SMAP1: variants seen among roughly 807,000 people sequenced by gnomAD.
SMAP1 encodes the protein small ArfGAP 1.
A neutral mutation model predicts 58.5 loss-of-function variants in SMAP1; 24 were observed. The ratio of observed to expected loss-of-function variants is 0.41; its 90% CI spans 0.30 to 0.58. SMAP1 has a LOEUF of 0.58. Among genes scored for constraint, SMAP1 ranks in the 20% least tolerant of loss-of-function variants. SMAP1 has a pLI of 0.29. For synonymous variants in SMAP1, 216 were observed against 196.6 expected (o/e 1.10, Z -0.82); for missense variants, 563 against 566.3 (o/e 0.99, Z 0.06).
intron 4 of SMAP1, among the ~76,000 whole-genome samples, chr6:70,783,171 T>G (rs2149927879): frequency 6.6e-6 from 1 of 152,320 alleles, no homozygotes; most frequent in Middle Eastern, 3.4e-3. Context: ...TAGCCACCGC[T>G]GCTAATACCC....
chr6:70,720,887 G>A (rs1326685544), intron 1 of SMAP1, among the ~76,000 whole-genome samples: 1 of 152,150 alleles, frequency 6.6e-6, no homozygotes, highest in Non-Finnish European at 1.5e-5. Flanking sequence ...GATGGGAGGG[G>A]CTGCTGTGAA....
At chr6:70,746,139 T>C (rs1004565001) in intron 2 of SMAP1, among the ~76,000 whole-genome samples, 38 of 152,100 alleles carry the variant, frequency 2.5e-4, no homozygotes, top group African/African-American at 8.2e-4. Flanking sequence ...TTGACTTCCT[T>C]TTTTCCTAAT....
At chr6:70,833,169 T>C (rs935542107) in intron 6 of SMAP1, among the ~76,000 whole-genome samples, 1 of 152,226 alleles carries the variant, frequency 6.6e-6, no homozygotes, top group African/African-American at 2.4e-5. Flanking sequence ...CTTACCTATG[T>C]AGTTTGTGCT....
At chr6:70,674,356 G>A (rs1284133132) in intron 1 of SMAP1, among the ~76,000 whole-genome samples, 1 of 152,070 alleles carries the variant, frequency 6.6e-6, no homozygotes, top group Admixed American at 6.6e-5. Flanking sequence ...CGAGTGATCT[G>A]CCTCCCTCAG....
chr6:70,737,872 T>C (rs1221340950), intron 2 of SMAP1, among the ~76,000 whole-genome samples: 2 of 152,228 alleles, frequency 1.3e-5, no homozygotes, highest in Non-Finnish European at 1.5e-5. Flanking sequence ...TCTGTCCTTT[T>C]CACCTCATGT....
intron 1 of SMAP1, among the ~76,000 whole-genome samples, chr6:70,702,358 T>A (rs1027888053): frequency 6.6e-6 from 1 of 151,382 alleles, no homozygotes; most frequent in African/African-American, 2.4e-5. Context: ...TTGCTGAAAC[T>A]GCTGCAGAGC....
chr6:70,686,610 T>C lies in SMAP1; in HGVS notation c.118+18469T>C, dbSNP rs537320791. ...CTTTTTTAGCACATTTGCTTTCTTA[T>C]CTTACAGAAGTACAATTCTTTTTGT... On this transcript the variant is annotated intron_variant, in intron 1 of 10. Coordinates refer to ENST00000370455, the MANE Select transcript of SMAP1 (RefSeq NM_001044305.3). Among the ~76,000 whole-genome samples the C allele has an allele frequency of 5.7e-3, 868 of 152,330 alleles. 5 individuals carry two copies. The highest frequency in any genetic ancestry group is 8.7e-3 in the Non-Finnish European group (593 of 68,020).
In SMAP1 at chr6:70,820,500, A is replaced by G. The variant is rs1164045426; in HGVS notation, c.577-16441A>G. ...GCCGAGGCGGGCGGATCATGAGGTC[A>G]GGAGATCGAGACCATCCTGGCTAAT... is the stretch of plus-strand genomic sequence containing the variant. On this transcript the variant is annotated intron_variant, in intron 6 of 10. Transcript: ENST00000370455. Among the ~76,000 whole-genome samples, 6 of 152,262 alleles carry G rather than the reference A, an allele frequency of 3.9e-5. No homozygotes were observed. The East Asian group carries it at 1.2e-3, about 29-fold the overall frequency.
intron 1 of SMAP1, among the ~76,000 whole-genome samples, chr6:70,714,918 A>G (rs758009648): frequency 3.3e-5 from 5 of 151,948 alleles, no homozygotes; most frequent in East Asian, 1.9e-4. Context: ...TGCACTTTGC[A>G]TATATAATTC....
Position 70,858,087 on chromosome 6 carries a change from T to G in SMAP1, c.1127T>G (p.Phe376Cys), listed in dbSNP as rs1771513621. ...MMVGMPMPNG[F>C]MGNAQTGVMP... The stretch of plus-strand genomic sequence containing the variant: ...GTGGGCATGCCCATGCCCAATGGGT[T>G]TATGGGAAATGCACAAACTGGTGTG... Residue 376 changes from phenylalanine (F) to cysteine (C), a missense_variant, in exon 10 of 11, where the codon TTT becomes TGT. Phe to Cys is a radical substitution (Grantham distance 205). This residue lies in a region of SMAP1 where 494 missense variants were observed against 473.8 expected (regional missense o/e 1.04). Transcript: ENST00000370455. The G allele has an allele frequency of 6.2e-7, 1 of 1,614,036 alleles. No individual in the cohort carries two copies. Among genetic ancestry groups the G allele is most frequent in the African/African-American group, 1.3e-5 (1 of 75,002 alleles).
chr6:70,723,582 AATT>A (rs1273591052), intron 1 of SMAP1, among the ~76,000 whole-genome samples: 1 of 152,114 alleles, frequency 6.6e-6, no homozygotes, highest in African/African-American at 2.4e-5. Context: ...TTCTCCATAA[AATT>A]CACCACACTG....
Position 70,713,782 on chromosome 6 carries a change from C to A in SMAP1, c.119-18596C>A, listed in dbSNP as rs137893375. ...TTTGGTGTGTAGTGTTGTTCAAGCC[C>A]CGTTTCTTTATTAATTTTTTTGTCT... On this transcript the variant is annotated intron_variant, in intron 1 of 10. Coordinates refer to ENST00000370455, the MANE Select transcript of SMAP1 (RefSeq NM_001044305.3). Among the ~76,000 whole-genome samples the A allele has an allele frequency of 1.8e-3, 276 of 152,018 alleles. 1 individual carries two copies. The highest frequency in any genetic ancestry group is 6.0e-3 in the African/African-American group (249 of 41,500).
At chr6:70,777,522 G>A (rs1767597003) in intron 4 of SMAP1, among the ~76,000 whole-genome samples, 1 of 152,096 alleles carries the variant, frequency 6.6e-6, no homozygotes, top group Non-Finnish European at 1.5e-5. Flanking sequence ...CTTGTCAAAT[G>A]AGTAGGTTGT....
At chr6:70,716,795 C>A (rs1233131295) in intron 1 of SMAP1, among the ~76,000 whole-genome samples, 2 of 152,132 alleles carry the variant, frequency 1.3e-5, no homozygotes, top group African/African-American at 2.4e-5. Flanking sequence ...CAGTGATCAT[C>A]TTTATGACCA....
At chr6:70,848,983 T>C (rs966410186) in intron 7 of SMAP1, among the ~76,000 whole-genome samples, 2 of 152,114 alleles carry the variant, frequency 1.3e-5, no homozygotes, top group African/African-American at 4.8e-5. Flanking sequence ...ACTAGAAAAA[T>C]TGATGGCTGT....
At chr6:70,792,919 A>G (rs1582199617) in intron 5 of SMAP1, among the ~76,000 whole-genome samples, 1 of 152,178 alleles carries the variant, frequency 6.6e-6, no homozygotes, top group Non-Finnish European at 1.5e-5. Context: ...TTTTGTGGTC[A>G]TGGGTGAGGA....
At position 70,757,925 on chromosome 6, in the gene SMAP1, A is replaced by C. The variant is rs371442706; in HGVS notation, c.338+2860A>C. The stretch of plus-strand genomic sequence containing the variant: ...GAACACTTTTACACTGTTGGTGGGA[A>C]TGTAAACTAGTTCAACCATTGTGGA... On this transcript the variant is annotated intron_variant, in intron 3 of 10. Transcript: ENST00000370455. Among the ~76,000 whole-genome samples the C allele has an allele frequency of 5.6e-3, 842 of 151,358 alleles. 4 individuals are homozygous for C. The highest frequency in any genetic ancestry group is 0.019 in the African/African-American group (774 of 41,006).
At chr6:70,785,985 C>G (rs1258603419) in intron 4 of SMAP1, among the ~76,000 whole-genome samples, 1 of 152,174 alleles carries the variant, frequency 6.6e-6, no homozygotes, top group Non-Finnish European at 1.5e-5. Flanking sequence ...CAAAGCCTGA[C>G]AGAGACACAA....
chr6:70,744,014 AG>A (rs1765917562), intron 2 of SMAP1, among the ~76,000 whole-genome samples: 1 of 152,196 alleles, frequency 6.6e-6, no homozygotes, highest in Admixed American at 6.5e-5. Context: ...AAAATTTTTA[AG>A]GTTAAACTTT....
Sources: gnomAD v4.1 joint callset for allele counts (sites outside exome capture counted in the v4.1 genomes callset) on GRCh38, gnomAD v4.1.1 for gene constraint, gnomAD v4.1.1 regional missense constraint, MANE v1.5 for transcripts, NCBI Gene and HGNC (gene_info 2026-07-23, HGNC 2026-07-21) for gene names.